ITGA8: variants seen among roughly 807,000 people sequenced by gnomAD.
The protein encoded by ITGA8 is integrin alpha-8.
ITGA8 carries 91 observed loss-of-function variants against 142.3 expected under a neutral mutation model. The observed-to-expected ratio is 0.64, with a 90% CI of 0.54 to 0.76. The LOEUF is 0.76. ITGA8 is among the 30% of genes least tolerant of loss of function. The pLI is 0.00. For synonymous variants in ITGA8, 505 were observed against 485.2 expected (o/e 1.04, Z -0.54); for missense variants, 1,406 against 1,327.7 (o/e 1.06, Z -0.92).
chr10:15,644,254 A>C (rs778533653), intron 12 of ITGA8, 33 bp from the exon 13 acceptor site: 26 of 1,574,510 alleles, frequency 1.7e-5, no homozygotes, highest in Non-Finnish European at 2.3e-5. Flanking sequence ...TTTTATGTGT[A>C]TATGTATTTA....
At chr10:15,693,227 C>A (rs1362686055) in intron 2 of ITGA8, among the ~76,000 whole-genome samples, 2 of 152,118 alleles carry the variant, frequency 1.3e-5, no homozygotes, top group Non-Finnish European at 2.9e-5. Flanking sequence ...GTACTAAGGG[C>A]ATCTTATTTG....
intron 13 of ITGA8, among the ~76,000 whole-genome samples, chr10:15,634,987 TTTTC>T (rs1367265193): frequency 1.8e-4 from 28 of 151,382 alleles, no homozygotes; most frequent in African/African-American, 5.6e-4. Context: ...ACTAAATATT[TTTTC>T]TTTCTTTCTT....
At chr10:15,593,519 G>A (rs910549659) in intron 21 of ITGA8, among the ~76,000 whole-genome samples, 3 of 152,178 alleles carry the variant, frequency 2.0e-5, no homozygotes, top group Admixed American at 2.0e-4. Context: ...ATCCCTGCAA[G>A]CTAACTTTCA....
At chr10:15,718,615 C>A (rs1835497087) in intron 2 of ITGA8, 151 bp downstream of exon 2, 3 of 948,840 alleles carry the variant, frequency 3.2e-6, no homozygotes, top group South Asian at 3.8e-5. Flanking sequence ...GTTGAAAAAA[C>A]TGATTTCTCT....
chr10:15,659,076 C>G (rs770414567), intron 9 of ITGA8, 21 bp from the exon 10 acceptor site: 37 of 1,547,744 alleles, frequency 2.4e-5, no homozygotes, highest in Non-Finnish European at 3.3e-5. Flanking sequence ...AGAAATTAAA[C>G]AGGTTACACC....
At chr10:15,556,134 C>A (rs1408024371) in intron 26 of ITGA8, among the ~76,000 whole-genome samples, 5 of 140,822 alleles carry the variant, frequency 3.6e-5, no homozygotes, top group African/African-American at 1.0e-4. Flanking sequence ...TCAAGCGATT[C>A]TCCTGCCTCA....
chr10:15,527,048 C>T (rs922171588), intron 28 of ITGA8, among the ~76,000 whole-genome samples: 2 of 152,118 alleles, frequency 1.3e-5, no homozygotes, highest in Non-Finnish European at 1.5e-5. Flanking sequence ...ATCACAAAAT[C>T]TTGTGTAAAC....
Position 15,592,169 on chromosome 10 carries a change from T to C in ITGA8, c.2291+56A>G, listed in dbSNP as rs1832934437. On this transcript the variant is annotated intron_variant, in intron 22 of 29. Coordinates refer to ENST00000378076, the MANE Select transcript of ITGA8 (RefSeq NM_003638.3). ...GCCTTGACAGATGACATCATTTCAC[T>C]GTGGATCTCTTTTCTTTTGACTGCT... The C allele has an allele frequency of 5.4e-6, 7 of 1,307,286 alleles. No homozygotes were observed. In the South Asian group the frequency reaches 7.6e-5, roughly 14 times the overall value. 81.0% of individuals were successfully genotyped at this position (1,307,286 alleles called of 1,614,324 possible).
chr10:15,696,084 G>C lies in ITGA8; in HGVS notation c.344-8046C>G, dbSNP rs1588732147. 2.6e-5 allele frequency among the ~76,000 whole-genome samples: 4 copies of C among 152,302 alleles called. No homozygotes were observed. In the East Asian group the frequency reaches 7.7e-4, roughly 29 times the overall value. The stretch of plus-strand genomic sequence containing the variant: ...TAACCAAACCTGCTGACTGACATGG[G>C]ACAACGCATTTAGGGTAGGGCCGCC... On this transcript the variant is annotated intron_variant, in intron 2 of 29. Transcript: ENST00000378076.
At chr10:15,708,469 G>C (rs1051863393) in intron 2 of ITGA8, among the ~76,000 whole-genome samples, 10 of 152,194 alleles carry the variant, frequency 6.6e-5, no homozygotes, top group Middle Eastern at 3.4e-3. Context: ...CTTTGAATCT[G>C]TTCACAAAAA....
chr10:15,592,883 C>T (rs1461053692), intron 21 of ITGA8, among the ~76,000 whole-genome samples: 4 of 152,212 alleles, frequency 2.6e-5, no homozygotes, highest in African/African-American at 4.8e-5. Context: ...TGAACCACCA[C>T]ACCTGGCCAG....
intron 25 of ITGA8, among the ~76,000 whole-genome samples, chr10:15,564,387 G>T (rs538131527): frequency 5.3e-5 from 8 of 152,348 alleles, no homozygotes; most frequent in African/African-American, 1.9e-4. Flanking sequence ...CACTGAGGGT[G>T]GAGGACGCTG....
At chr10:15,619,455 G>T (rs940679335) in intron 13 of ITGA8, among the ~76,000 whole-genome samples, 4 of 152,126 alleles carry the variant, frequency 2.6e-5, no homozygotes, top group Non-Finnish European at 5.9e-5. Context: ...AAGTCGAACA[G>T]ACGTCATCTA....
chr10:15,614,237 T>A (rs893674923), intron 14 of ITGA8, among the ~76,000 whole-genome samples: 1 of 152,224 alleles, frequency 6.6e-6, no homozygotes, highest in Non-Finnish European at 1.5e-5. Context: ...TTATCATTGA[T>A]AATTTTTAAA....
intron 2 of ITGA8, 150 bp downstream of exon 2, chr10:15,718,616 T>C: frequency 1.0e-6 from 1 of 952,988 alleles, no homozygotes; most frequent in Non-Finnish European, 1.6e-6. Flanking sequence ...TTGAAAAAAC[T>C]GATTTCTCTA....
chr10:15,659,826 C>T (rs956407603), intron 9 of ITGA8, among the ~76,000 whole-genome samples: 1 of 152,104 alleles, frequency 6.6e-6, no homozygotes, highest in Non-Finnish European at 1.5e-5. Context: ...TGGGATGTTG[C>T]CACAAGCCAA....
chr10:15,662,954 A>C (rs1334024908), intron 8 of ITGA8, among the ~76,000 whole-genome samples: 1 of 152,210 alleles, frequency 6.6e-6, no homozygotes, highest in African/African-American at 2.4e-5. Context: ...TGAGTCATGA[A>C]CGTGTATGAA....
At chr10:15,617,399 GT>G (rs11448806) in intron 13 of ITGA8, among the ~76,000 whole-genome samples, 15 of 148,066 alleles carry the variant, frequency 1.0e-4, no homozygotes, top group East Asian at 4.0e-4. Flanking sequence ...CAAACTGTCT[GT>G]TTTTTTTTTT....
intron 8 of ITGA8, among the ~76,000 whole-genome samples, chr10:15,667,636 G>C (rs1382914582): frequency 6.6e-6 from 1 of 151,910 alleles, no homozygotes; most frequent in Non-Finnish European, 1.5e-5. Flanking sequence ...GATCTTTCCT[G>C]CTTTCTCTTG....
Sources: gnomAD v4.1 joint callset for allele counts (sites outside exome capture counted in the v4.1 genomes callset) on GRCh38, gnomAD v4.1.1 for gene constraint, MANE v1.5 for transcripts, NCBI Gene and HGNC (gene_info 2026-07-23, HGNC 2026-07-21) for gene names.